TMEM106B: variants seen among roughly 807,000 people sequenced by gnomAD.
TMEM106B encodes transmembrane protein 106B.
Under a neutral mutation model 31.1 loss-of-function variants are expected in TMEM106B, and 15 were observed. That is an observed-to-expected ratio of 0.48 (90% CI 0.32 to 0.74). The LOEUF (loss-of-function observed/expected upper bound fraction) is 0.74. Ranked by LOEUF, TMEM106B falls within the 30% of genes least tolerant of loss-of-function variation. TMEM106B has a pLI of 0.03. For missense variants in TMEM106B, 283 were observed against 327.3 expected (o/e 0.86, Z 1.04); for synonymous variants, 126 against 112.5 (o/e 1.12, Z -0.76).
intron 4 of TMEM106B, 54 bp downstream of exon 4, chr7:12,224,439 G>A (rs1167547885): frequency 1.4e-6 from 2 of 1,467,254 alleles, no homozygotes; most frequent in African/African-American, 2.8e-5. Flanking sequence ...ATCCTATTAA[G>A]CAGCACCTTT....
intron 4 of TMEM106B, among the ~76,000 whole-genome samples, 173 bp downstream of exon 4, chr7:12,224,558 CAAT>C (rs1488785194): frequency 6.6e-6 from 1 of 151,934 alleles, no homozygotes; most frequent in South Asian, 2.1e-4. Context: ...CTAAAAATAG[CAAT>C]AATAAATACT....
intron 3 of TMEM106B, among the ~76,000 whole-genome samples, chr7:12,218,796 A>G (rs1781735433): frequency 6.6e-6 from 1 of 152,110 alleles, no homozygotes; most frequent in South Asian, 2.1e-4. Flanking sequence ...TAAAATTTTC[A>G]TTAAAAATTG....
chr7:12,224,533 C>T (rs1421325628), intron 4 of TMEM106B, 148 bp downstream of exon 4: 2 of 568,358 alleles, frequency 3.5e-6, no homozygotes, highest in East Asian at 2.9e-5. Flanking sequence ...ACGTTCTCTA[C>T]CATTTCTGGT....
At position 12,224,534 on chromosome 7, in the gene TMEM106B, C is replaced by CATT; in HGVS notation, c.441+150_441+152dup. On this transcript the variant is annotated intron_variant, in intron 4 of 7. Coordinates refer to ENST00000396668, the MANE Select transcript of TMEM106B (RefSeq NM_001134232.2). Reference sequence around the variant, plus strand: ...TCTTTTCTGTATTGACGTTCTCTACCATTTCTGGTTCTGCTAAAAATAGCA... The same window carrying CATT: ...TCTTTTCTGTATTGACGTTCTCTACCATTATTTCTGGTTCTGCTAAAAATAGCA... 3 of 566,968 alleles carry CATT rather than the reference C, an allele frequency of 5.3e-6. No individual in the cohort carries two copies. The South Asian group carries it at 9.1e-5, about 17-fold the overall frequency. 35.1% of individuals were successfully genotyped at this position (566,968 alleles called of 1,614,324 possible). A position where few individuals can be genotyped will look rare whatever the true frequency, so the allele number is the denominator to read the frequency against.
rs980280462 is a variant in TMEM106B, at chr7:12,239,176, A to T, written c.*7201A>T. The T allele has an allele frequency of 6.6e-6, 1 of 152,130 alleles. No individual in the cohort carries two copies. Among genetic ancestry groups the T allele is most frequent in the East Asian group, 1.9e-4 (1 of 5,188 alleles). The allele number at this position is 152,130 out of a possible 1,614,324, so 9.4% of individuals were successfully genotyped here. A position where few individuals can be genotyped will look rare whatever the true frequency, so the allele number is the denominator to read the frequency against. Reference sequence around the variant, plus strand: ...ACTTACTGCTTCACCTTGCACTTTTATATTATGGAAACAACTTATCTCCTT... The same window carrying T: ...ACTTACTGCTTCACCTTGCACTTTTTTATTATGGAAACAACTTATCTCCTT... On this transcript the variant is annotated 3_prime_UTR_variant, in exon 8 of 8. Coordinates refer to ENST00000396668, the MANE Select transcript of TMEM106B (RefSeq NM_001134232.2).
At chr7:12,222,601 T>C (rs1289806939) in intron 3 of TMEM106B, among the ~76,000 whole-genome samples, 1 of 152,226 alleles carries the variant, frequency 6.6e-6, no homozygotes, top group Non-Finnish European at 1.5e-5. Flanking sequence ...TATGCCTTTT[T>C]ATGTATTTTG....
intron 4 of TMEM106B, among the ~76,000 whole-genome samples, chr7:12,226,498 T>C (rs1781904271): frequency 6.6e-6 from 1 of 152,164 alleles, no homozygotes; most frequent in Admixed American, 6.6e-5. Context: ...TAATATTTAT[T>C]GGCCAGCCAT....
In TMEM106B at chr7:12,242,676, A is replaced by T. The variant is rs1782254818; in HGVS notation, c.*10701A>T. 1 of 152,100 alleles carries T rather than the reference A, an allele frequency of 6.6e-6. No individual in the cohort carries two copies. The highest frequency in any genetic ancestry group is 6.6e-5 in the Admixed American group (1 of 15,258). 9.4% of individuals were successfully genotyped at this position (152,100 alleles called of 1,614,324 possible). On this transcript the variant is annotated 3_prime_UTR_variant, in exon 8 of 8. Transcript: ENST00000396668. Reference sequence around the variant, plus strand: ...AGGATTTCCTAAAAATGCTTATTTGAATATTTATGTCATTTGTCACACATA... The same window carrying T: ...AGGATTTCCTAAAAATGCTTATTTGTATATTTATGTCATTTGTCACACATA...
chr7:12,232,076 C>T lies in TMEM106B; in HGVS notation c.*101C>T. 3 of 1,136,388 alleles carry T rather than the reference C, an allele frequency of 2.6e-6. No individual in the cohort carries two copies. Among genetic ancestry groups the T allele is most frequent in the Non-Finnish European group, 3.7e-6 (3 of 818,976 alleles). 70.4% of individuals were successfully genotyped at this position (1,136,388 alleles called of 1,614,324 possible). A position where few individuals can be genotyped will look rare whatever the true frequency, so the allele number is the denominator to read the frequency against. On this transcript the variant is annotated 3_prime_UTR_variant, in exon 8 of 8. Coordinates refer to ENST00000396668, the MANE Select transcript of TMEM106B (RefSeq NM_001134232.2). Reference sequence around the variant, plus strand: ...ATAGGAGACCTTAAATTGAACAAACCTAAAGTTTACACTTCTAAGAGTACA... The same window carrying T: ...ATAGGAGACCTTAAATTGAACAAACTTAAAGTTTACACTTCTAAGAGTACA...
chr7:12,234,110 G>C lies in TMEM106B; in HGVS notation c.*2135G>C, dbSNP rs780160265. ...TTCTTCAAAATTATCTTTTAGATACGCTCATACAAAAATCAATCCTTGTTT... is the reference window on the plus strand; with the variant it reads ...TTCTTCAAAATTATCTTTTAGATACCCTCATACAAAAATCAATCCTTGTTT... On this transcript the variant is annotated 3_prime_UTR_variant, in exon 8 of 8. Transcript: ENST00000396668. 1 of 151,346 alleles carries C rather than the reference G, an allele frequency of 6.6e-6. No homozygotes were observed. 9.4% of individuals were successfully genotyped at this position (151,346 alleles called of 1,614,324 possible).
At chr7:12,213,321 G>T (rs1781618058) in intron 1 of TMEM106B, among the ~76,000 whole-genome samples, 1 of 151,998 alleles carries the variant, frequency 6.6e-6, no homozygotes, top group Non-Finnish European at 1.5e-5. Context: ...TTGGAATTTT[G>T]GGGCTTTTTA....
chr7:12,230,176 G>A (rs1173364940), intron 5 of TMEM106B, among the ~76,000 whole-genome samples: 1 of 151,840 alleles, frequency 6.6e-6, no homozygotes, highest in Non-Finnish European at 1.5e-5. Flanking sequence ...TGATCACACC[G>A]CCGTACTCCA....
intron 1 of TMEM106B, chr7:12,214,540 T>C (rs1184720792): frequency 2.5e-6 from 1 of 397,534 alleles, no homozygotes; most frequent in South Asian, 3.6e-5. Flanking sequence ...CTTACATCTA[T>C]TGATTTATGC....
Position 12,240,650 on chromosome 7 carries a change from C to T in TMEM106B, c.*8675C>T, listed in dbSNP as rs1583227012. The T allele has an allele frequency of 6.7e-6, 1 of 149,138 alleles. No individual in the cohort carries two copies. The highest frequency in any genetic ancestry group is 3.5e-3 in the Middle Eastern group (1 of 284). 9.2% of individuals were successfully genotyped at this position (149,138 alleles called of 1,614,324 possible). A position where few individuals can be genotyped will look rare whatever the true frequency, so the allele number is the denominator to read the frequency against. On this transcript the variant is annotated 3_prime_UTR_variant, in exon 8 of 8. Coordinates refer to ENST00000396668, the MANE Select transcript of TMEM106B (RefSeq NM_001134232.2). ...AGCCAGTTTCTCAAGGGAGAAGAAT[C>T]ATTAATAAGTTTGTGAGGCTTTTTT... is the stretch of plus-strand genomic sequence containing the variant.
At chr7:12,211,637 A>G (rs1445324796) in intron 1 of TMEM106B, 2 of 152,182 alleles carry the variant, frequency 1.3e-5, no homozygotes, top group Non-Finnish European at 2.9e-5. Context: ...CCCAAGCCCT[A>G]CCTCTGGGTT....
rs34413750 is a variant in TMEM106B at position 12,223,722 on chromosome 7, C to CTTT, written c.282-490_282-488dup. Reference sequence around the variant, plus strand: ...ATTTCAGTGTCCAAAAATGTGATTCCTTTTTTTTTTTTTTTTGGTACAGAG... The same window carrying CTTT: ...ATTTCAGTGTCCAAAAATGTGATTCCTTTTTTTTTTTTTTTTTTTGGTACAGAG... On this transcript the variant is annotated intron_variant, in intron 3 of 7. Transcript: ENST00000396668. Among the ~76,000 whole-genome samples the CTTT allele has an allele frequency of 9.7e-4, 131 of 135,690 alleles. 2 individuals are homozygous for CTTT. The highest frequency in any genetic ancestry group is 3.4e-3 in the African/African-American group (124 of 36,218). 89.0% of individuals were successfully genotyped at this position (135,690 alleles called of 152,430 possible).
chr7:12,224,749 T>C (rs2128526117), intron 4 of TMEM106B, among the ~76,000 whole-genome samples: 1 of 152,362 alleles, frequency 6.6e-6, no homozygotes, highest in South Asian at 2.1e-4. Context: ...CATTTTGATT[T>C]CATTGTATTT....
intron 4 of TMEM106B, among the ~76,000 whole-genome samples, chr7:12,229,284 T>C (rs1781964982): frequency 6.6e-6 from 1 of 152,166 alleles, no homozygotes; most frequent in Non-Finnish European, 1.5e-5. Context: ...CTAGCCCATT[T>C]CTTCTTCATA....
intron 6 of TMEM106B, 76 bp from the exon 7 acceptor site, chr7:12,230,986 C>CT: frequency 9.8e-7 from 1 of 1,021,158 alleles, no homozygotes; most frequent in Non-Finnish European, 1.5e-6. Flanking sequence ...TCTCTGTTAG[C>CT]TTTAAGATAG....
Sources: gnomAD v4.1 joint callset for allele counts (sites outside exome capture counted in the v4.1 genomes callset) on GRCh38, gnomAD v4.1.1 for gene constraint, MANE v1.5 for transcripts, NCBI Gene and HGNC (gene_info 2026-07-23, HGNC 2026-07-21) for gene names.